The following THTPA variants were observed in gnomAD, a reference collection of about 807,000 sequenced individuals.
The protein encoded by THTPA is thiamine-triphosphatase.
In THTPA, 16 loss-of-function variants were observed where a neutral mutation model predicts 16.5. The ratio of observed to expected loss-of-function variants is 0.97; its 90% CI spans 0.66 to 1.47. The LOEUF is 1.47. Ranked by LOEUF, THTPA falls within the 40% of genes most tolerant of loss-of-function variation. The pLI is 0.00. For synonymous variants in THTPA, 110 were observed against 115.5 expected (o/e 0.95, Z 0.30); for missense variants, 281 against 280.9 (o/e 1.00, Z 0.00).
chr14:23,531,497 C>A, the THTPA span: 1 of 1,434,814 alleles, frequency 7.0e-7, no homozygotes, highest in African/African-American at 1.4e-5. Flanking sequence ...TCCGGAGCTG[C>A]CCGTGGCTGA....
chr14:23,526,890 G>T, the THTPA span: 574 of 1,534,000 alleles, frequency 3.7e-4, 5 homozygotes, highest in East Asian at 0.012. Context: ...GCCCATGAGT[G>T]GGGGGTTCTT....
the THTPA span, chr14:23,531,073 C>G: frequency 5.0e-5 from 8 of 159,606 alleles, no homozygotes; most frequent in African/African-American, 1.9e-4. Flanking sequence ...CCCATCCCTG[C>G]TGCCTTTGGA....
At chr14:23,528,558 T>G in the THTPA span, 12 of 973,680 alleles carry the variant, frequency 1.2e-5, no homozygotes, top group Non-Finnish European at 1.5e-5. Flanking sequence ...CTGGGCATTT[T>G]CTGGACCCAG....
the THTPA span, among the ~76,000 whole-genome samples, chr14:23,549,525 T>C: frequency 6.6e-6 from 1 of 151,960 alleles, no homozygotes; most frequent in Non-Finnish European, 1.5e-5. Flanking sequence ...TTTATTACAC[T>C]AATAAACACT....
the THTPA span, among the ~76,000 whole-genome samples, chr14:23,549,635 G>C: frequency 1.3e-5 from 2 of 152,170 alleles, no homozygotes; most frequent in Non-Finnish European, 1.5e-5. Context: ...CTGATATCTA[G>C]AATGAACTGA....
At chr14:23,525,707 C>T in the THTPA span, 51 of 1,522,560 alleles carry the variant, frequency 3.3e-5, no homozygotes, top group African/African-American at 3.7e-4. This position sits in a 1 kb window ranked among gnomAD's most constrained non-coding sequence, Gnocchi z 5.9. Context: ...CATGGGGGGC[C>T]GCTCCCACTC....
At chr14:23,539,379 T>C in the THTPA span, among the ~76,000 whole-genome samples, 121 of 152,148 alleles carry the variant, frequency 8.0e-4, no homozygotes, top group African/African-American at 2.5e-3. Context: ...TGTTCTTCCA[T>C]GGAGGTGGGA....
At chr14:23,531,303 T>A in the THTPA span, 6 of 951,100 alleles carry the variant, frequency 6.3e-6, no homozygotes, top group Non-Finnish European at 8.3e-6. Context: ...CAAGGTAGCC[T>A]CCACAGTGCC....
Position 23,559,979 on chromosome 14 carries a change from G to C in THTPA, c.*1139G>C, listed in dbSNP as rs1251512983. ...ATTCTGAAGAGCTGGGTGATAGGAAGGCCACCCCGAGCTGGAACTGTGTTC... is the reference window on the plus strand; with the variant it reads ...ATTCTGAAGAGCTGGGTGATAGGAACGCCACCCCGAGCTGGAACTGTGTTC... On this transcript the variant is annotated 3_prime_UTR_variant, in exon 2 of 2. Transcript: ENST00000288014. The C allele has an allele frequency of 6.2e-7, 1 of 1,613,262 alleles. No individual in the cohort carries two copies. Among genetic ancestry groups the C allele is most frequent in the Non-Finnish European group, 8.5e-7 (1 of 1,179,530 alleles).
the THTPA span, among the ~76,000 whole-genome samples, chr14:23,546,543 C>T: frequency 6.6e-6 from 1 of 152,088 alleles, no homozygotes; most frequent in South Asian, 2.1e-4. The surrounding 1 kb of genome is among the most constrained non-coding windows in gnomAD (Gnocchi z 4.7). Context: ...GAGGAAGCCA[C>T]TGAGAGCCCA....
the THTPA span, among the ~76,000 whole-genome samples, chr14:23,528,001 G>A: frequency 2.0e-5 from 3 of 150,946 alleles, no homozygotes; most frequent in Non-Finnish European, 2.9e-5. Flanking sequence ...CCGCCTTCCA[G>A]GTTCAAGCAA....
chr14:23,526,032 C>A, the THTPA span: 1 of 1,536,176 alleles, frequency 6.5e-7, no homozygotes, highest in East Asian at 2.4e-5. Flanking sequence ...TCAGTGCCCA[C>A]CTCCCCCTCT....
chr14:23,534,679 G>A, the THTPA span: 1 of 1,536,206 alleles, frequency 6.5e-7, no homozygotes. The surrounding 1 kb of genome is among the most constrained non-coding windows in gnomAD (Gnocchi z 4.5). Context: ...ATCTCCGGGT[G>A]GATTTGGAGC....
At chr14:23,529,382 G>T in the THTPA span, 2 of 321,032 alleles carry the variant, frequency 6.2e-6, no homozygotes, top group East Asian at 7.7e-5. Context: ...GGCAGTAGCT[G>T]GTTGTTTGCT....
At chr14:23,522,068 G>A in the THTPA span, 47 of 1,536,246 alleles carry the variant, frequency 3.1e-5, no homozygotes, top group Non-Finnish European at 4.0e-5. Context: ...GGCAGCAGTG[G>A]CGGCGTTGGT....
the THTPA span, chr14:23,520,824 G>T: frequency 6.6e-6 from 1 of 151,742 alleles, no homozygotes; most frequent in Non-Finnish European, 1.5e-5. The surrounding 1 kb of genome is among the most constrained non-coding windows in gnomAD (Gnocchi z 8.7). Flanking sequence ...CAGGGAGCAG[G>T]GAGTGACACA....
the THTPA span, among the ~76,000 whole-genome samples, chr14:23,512,492 C>A: frequency 2.0e-5 from 3 of 151,728 alleles, no homozygotes; most frequent in African/African-American, 7.3e-5. Flanking sequence ...CAACCACAGG[C>A]GCAGAGAGAA....
At chr14:23,531,409 G>T in the THTPA span, 1 of 1,331,374 alleles carries the variant, frequency 7.5e-7, no homozygotes, top group Non-Finnish European at 9.6e-7. Flanking sequence ...CTCTAACTCC[G>T]CAGCCCCCCT....
the THTPA span, chr14:23,525,447 C>A: frequency 6.5e-7 from 1 of 1,536,114 alleles, no homozygotes; most frequent in Non-Finnish European, 8.7e-7. The surrounding 1 kb of genome is among the most constrained non-coding windows in gnomAD (Gnocchi z 5.9). Context: ...ACATGTTCCT[C>A]GTGTGTCTTG....
Sources: allele counts gnomAD v4.1 joint callset (sites outside exome capture counted in the v4.1 genomes callset), GRCh38; gene constraint gnomAD v4.1.1; non-coding constraint Gnocchi (gnomAD v3.1); transcripts MANE v1.5; gene names NCBI Gene and HGNC (gene_info 2026-07-23, HGNC 2026-07-21).